DPP10: variants seen among roughly 807,000 people sequenced by gnomAD.
DPP10 encodes inactive dipeptidyl peptidase 10.
A neutral mutation model predicts 120.9 loss-of-function variants in DPP10; 33 were observed. The ratio of observed to expected loss-of-function variants is 0.27; its 90% CI spans 0.21 to 0.37. DPP10 has a LOEUF of 0.37. DPP10 is among the 10% of genes least tolerant of loss of function. The probability of loss-of-function intolerance (pLI) is 1.00; values close to 1 mark genes in which losing one functional copy is unlikely to be tolerated. For missense variants in DPP10, 816 were observed against 942.8 expected, an observed-to-expected ratio of 0.87 and a Z score of 1.76; for synonymous variants, 337 against 326.1, an observed-to-expected ratio of 1.03 and a Z score of -0.36.
In DPP10 at chr2:115,458,523, G is replaced by A. The variant is rs531923924; in HGVS notation, c.272-40987G>A. On this transcript the variant is annotated intron_variant, in intron 3 of 25. Coordinates refer to ENST00000410059, the MANE Select transcript of DPP10 (RefSeq NM_020868.6). ...TTTCTGTATTCCTATTTTGACTCTCGAAAAGAAAGAAAATGAAAAGGCAAA... is the reference window on the plus strand; with the variant it reads ...TTTCTGTATTCCTATTTTGACTCTCAAAAAGAAAGAAAATGAAAAGGCAAA... Among the ~76,000 whole-genome samples, 12 of 152,002 alleles carry A rather than the reference G, an allele frequency of 7.9e-5. No individual in the cohort carries two copies. The South Asian group carries it at 1.5e-3, about 18-fold the overall frequency.
intron 1 of DPP10, among the ~76,000 whole-genome samples, chr2:114,837,278 G>A (rs921351624): frequency 3.9e-5 from 6 of 152,142 alleles, no homozygotes; most frequent in Non-Finnish European, 7.3e-5. Context: ...ACTAATAAAT[G>A]TACATGAAAT....
At chr2:114,491,842 G>A (rs1573478021) in intron 1 of DPP10, among the ~76,000 whole-genome samples, 2 of 152,110 alleles carry the variant, frequency 1.3e-5, no homozygotes, top group Admixed American at 6.6e-5. Flanking sequence ...TTCATAATTC[G>A]AAAAGGATTT....
intron 1 of DPP10, among the ~76,000 whole-genome samples, chr2:114,470,056 G>C (rs1197141107): frequency 6.6e-6 from 1 of 152,210 alleles, no homozygotes; most frequent in African/African-American, 2.4e-5. Context: ...GTTCTTTGGA[G>C]AGTAAGATAG....
intron 3 of DPP10, chr2:115,467,946 AT>A (rs2074434364): frequency 4.4e-6 from 1 of 227,042 alleles, no homozygotes; most frequent in Admixed American, 5.1e-5. Flanking sequence ...AAAGAGAATC[AT>A]GAAGATTATC....
chr2:114,459,749 G>A (rs1678771105), intron 1 of DPP10, among the ~76,000 whole-genome samples: 1 of 152,110 alleles, frequency 6.6e-6, no homozygotes, highest in African/African-American at 2.4e-5. Flanking sequence ...TGTTTCAATA[G>A]TTGTTTTTTA....
intron 1 of DPP10, among the ~76,000 whole-genome samples, chr2:114,892,523 A>T (rs942361089): frequency 6.6e-6 from 1 of 152,256 alleles, no homozygotes; most frequent in Non-Finnish European, 1.5e-5. Context: ...GAAACTACAC[A>T]AAGGATCTAC....
chr2:115,644,518 C>T (rs898652025), intron 5 of DPP10, among the ~76,000 whole-genome samples: 2 of 151,998 alleles, frequency 1.3e-5, no homozygotes, highest in Non-Finnish European at 2.9e-5. Context: ...TACCTATAAA[C>T]CCAACACTTT....
chr2:114,916,777 A>C (rs1574481258), intron 1 of DPP10, among the ~76,000 whole-genome samples: 1 of 152,208 alleles, frequency 6.6e-6, no homozygotes, highest in Non-Finnish European at 1.5e-5. Flanking sequence ...ACATCCCTTC[A>C]TGATAAAAAC....
At chr2:115,353,560 A>G (rs895003639) in intron 3 of DPP10, among the ~76,000 whole-genome samples, 4 of 152,158 alleles carry the variant, frequency 2.6e-5, no homozygotes, top group Admixed American at 2.6e-4. Context: ...AGTTGTTAGT[A>G]GTAGGAATTG....
chr2:114,480,822 C>A (rs147827216), intron 1 of DPP10, among the ~76,000 whole-genome samples: 4,228 of 151,714 alleles, frequency 0.028, 189 homozygotes, highest in African/African-American at 0.098. Context: ...CAAACCTTCA[C>A]GTTGTGCACA....
chr2:115,167,481 C>T (rs1355400096), intron 1 of DPP10, among the ~76,000 whole-genome samples: 1 of 151,826 alleles, frequency 6.6e-6, no homozygotes, highest in East Asian at 1.9e-4. Context: ...GTGACATACT[C>T]CTGTGGTCCC....
chr2:114,991,197 A>G (rs1700737289), intron 1 of DPP10, among the ~76,000 whole-genome samples: 1 of 152,180 alleles, frequency 6.6e-6, no homozygotes, highest in Non-Finnish European at 1.5e-5. Flanking sequence ...GGAAAACACC[A>G]GTGTCTTAAA....
At chr2:115,381,411 T>TATTGGTTA (rs2066342856) in intron 3 of DPP10, among the ~76,000 whole-genome samples, 3 of 152,224 alleles carry the variant, frequency 2.0e-5, no homozygotes, top group Admixed American at 2.0e-4. Context: ...CATCAGCTCC[T>TATTGGTTA]TTAAGCACTT....
chr2:115,699,123 G>T (rs2091768228), intron 7 of DPP10, among the ~76,000 whole-genome samples: 1 of 149,352 alleles, frequency 6.7e-6, no homozygotes, highest in South Asian at 2.1e-4. Context: ...AAATAAAAAG[G>T]ATTATAATAG....
intron 1 of DPP10, among the ~76,000 whole-genome samples, chr2:114,475,096 A>G (rs1680265252): frequency 6.6e-6 from 1 of 152,206 alleles, no homozygotes. Context: ...CAATGTATGC[A>G]TTTGTTGGTT....
chr2:115,828,155 AG>A (rs1420872982), intron 21 of DPP10, among the ~76,000 whole-genome samples: 1 of 152,018 alleles, frequency 6.6e-6, no homozygotes, highest in African/African-American at 2.4e-5. Context: ...CTGGGCAAAA[AG>A]TTTTAGGTTG....
chr2:114,692,187 T>C (rs1193331617), intron 1 of DPP10, among the ~76,000 whole-genome samples: 1 of 152,090 alleles, frequency 6.6e-6, no homozygotes, highest in African/African-American at 2.4e-5. Flanking sequence ...GTTGTTAACT[T>C]GAGATCTTTC....
intron 7 of DPP10, among the ~76,000 whole-genome samples, chr2:115,690,602 G>A (rs1559035325): frequency 6.6e-6 from 1 of 151,964 alleles, no homozygotes; most frequent in Admixed American, 6.6e-5. Context: ...TAGTAGAGAC[G>A]GGGTTTTACC....
At chr2:114,755,620 G>C (rs145837730) in intron 1 of DPP10, among the ~76,000 whole-genome samples, 3 of 152,268 alleles carry the variant, frequency 2.0e-5, no homozygotes, top group African/African-American at 7.2e-5. Context: ...TGTGTGTTTT[G>C]TGAGGTGTTC....
Sources: gnomAD v4.1 joint callset for allele counts (sites outside exome capture counted in the v4.1 genomes callset) on GRCh38, gnomAD v4.1.1 for gene constraint, MANE v1.5 for transcripts, NCBI Gene and HGNC (gene_info 2026-07-23, HGNC 2026-07-21) for gene names.